The following BMPR1B variants were observed in gnomAD, a reference collection of about 807,000 sequenced individuals.
BMPR1B encodes bone morphogenetic protein receptor type 1B.
A neutral mutation model predicts 59.1 loss-of-function variants in BMPR1B; 12 were observed. The observed-to-expected ratio is 0.20, with a 90% CI of 0.13 to 0.33. The LOEUF is 0.33. Among genes scored for constraint, BMPR1B ranks in the 10% least tolerant of loss-of-function variants. BMPR1B has a pLI of 1.00. For synonymous variants in BMPR1B, 237 were observed against 207.3 expected (o/e 1.14, Z -1.23); for missense variants, 550 against 610.9 (o/e 0.90, Z 1.05).
intron 3 of BMPR1B, among the ~76,000 whole-genome samples, chr4:95,094,022 T>C (rs931413407): frequency 1.3e-5 from 2 of 152,120 alleles, no homozygotes; most frequent in Non-Finnish European, 2.9e-5. Context: ...TTGGCAATTA[T>C]GTGGCATTGT....
chr4:95,045,528 C>T (rs1006823253), intron 3 of BMPR1B, among the ~76,000 whole-genome samples: 9 of 152,160 alleles, frequency 5.9e-5, no homozygotes, highest in Non-Finnish European at 1.0e-4. Context: ...TTTTTTCTTA[C>T]TCATAAATGT....
In BMPR1B at chr4:94,965,020, CTG is replaced by C. The variant is rs376046331; in HGVS notation, c.-112-31016_-112-31015del. ...ATCTAAGAAATCTTCTGCTATACCT[CTG>C]TGTTTTGCATCTATCACTTTATTGT... On this transcript the variant is annotated intron_variant, in intron 2 of 12. Transcript: ENST00000515059. Among the ~76,000 whole-genome samples the C allele has an allele frequency of 1.6e-4, 25 of 152,194 alleles. No homozygotes were observed. In the South Asian group the frequency reaches 3.7e-3, roughly 23 times the overall value.
chr4:94,894,628 A>G (rs929359699), intron 2 of BMPR1B, among the ~76,000 whole-genome samples: 2 of 152,052 alleles, frequency 1.3e-5, no homozygotes, highest in Non-Finnish European at 2.9e-5. Flanking sequence ...TGTTCCCAAT[A>G]GAACGGTTTA....
chr4:94,819,980 G>A (rs1341714209), intron 1 of BMPR1B, among the ~76,000 whole-genome samples: 1 of 152,132 alleles, frequency 6.6e-6, no homozygotes, highest in Non-Finnish European at 1.5e-5. Context: ...TTTCTCCCCT[G>A]CTTTTTCTTC....
chr4:94,785,065 G>A (rs1722716048), intron 1 of BMPR1B, among the ~76,000 whole-genome samples: 1 of 152,152 alleles, frequency 6.6e-6, no homozygotes, highest in East Asian at 1.9e-4. Context: ...AGATAGAAAG[G>A]AGCTGAGACA....
intron 3 of BMPR1B, among the ~76,000 whole-genome samples, chr4:95,049,567 G>T (rs2149185597): frequency 6.7e-6 from 1 of 150,308 alleles, no homozygotes; most frequent in Middle Eastern, 3.5e-3. Flanking sequence ...TTACTAATAG[G>T]AGCTGTCTGT....
intron 3 of BMPR1B, among the ~76,000 whole-genome samples, chr4:95,079,495 G>A (rs1362987234): frequency 1.3e-5 from 2 of 152,050 alleles, no homozygotes; most frequent in African/African-American, 4.8e-5. Context: ...TACTTTCAGA[G>A]CTTCTCTATT....
At chr4:94,961,950 A>G (rs978016570) in intron 2 of BMPR1B, among the ~76,000 whole-genome samples, 3 of 152,070 alleles carry the variant, frequency 2.0e-5, no homozygotes, top group Admixed American at 6.5e-5. Flanking sequence ...AAACATTTCA[A>G]TTTTACTTGT....
intron 3 of BMPR1B, chr4:95,051,612 T>G: frequency 8.1e-7 from 1 of 1,228,066 alleles, no homozygotes; most frequent in Non-Finnish European, 1.1e-6. Context: ...CTGACAAGAG[T>G]GGCAGCAGAG....
chr4:94,938,798 A>T (rs993055252), intron 2 of BMPR1B, among the ~76,000 whole-genome samples: 6 of 152,182 alleles, frequency 3.9e-5, no homozygotes, highest in Non-Finnish European at 8.8e-5. Flanking sequence ...CTTCCTTAAG[A>T]TCCCAGATAT....
At chr4:95,000,367 A>G (rs1002154182) in intron 3 of BMPR1B, among the ~76,000 whole-genome samples, 2 of 152,090 alleles carry the variant, frequency 1.3e-5, no homozygotes, top group Admixed American at 6.6e-5. Flanking sequence ...GTTTGCCCAT[A>G]TAACTATCCT....
chr4:95,100,465 C>G (rs1730737644), intron 3 of BMPR1B, among the ~76,000 whole-genome samples: 1 of 151,834 alleles, frequency 6.6e-6, no homozygotes, highest in South Asian at 2.1e-4. Flanking sequence ...CTCTCCCTCA[C>G]TTTTCCTCTC....
At chr4:94,949,516 C>T (rs1729849535) in intron 2 of BMPR1B, among the ~76,000 whole-genome samples, 1 of 111,322 alleles carries the variant, frequency 9.0e-6, no homozygotes, top group Admixed American at 8.4e-5. Flanking sequence ...CGGGGTTTCA[C>T]CTTGTTAGCC....
intron 2 of BMPR1B, among the ~76,000 whole-genome samples, chr4:94,941,431 C>CAAA (rs35329546): frequency 3.5e-5 from 4 of 115,710 alleles, no homozygotes; most frequent in African/African-American, 1.0e-4. Flanking sequence ...AAAACTGTCT[C>CAAA]AAAAAAAAAA....
chr4:94,837,947 T>A (rs1724890141), intron 1 of BMPR1B, among the ~76,000 whole-genome samples: 1 of 127,484 alleles, frequency 7.8e-6, no homozygotes, highest in Admixed American at 7.5e-5. Context: ...ATACCTAATT[T>A]GTTGAGAGTT....
At chr4:94,914,036 A>G (rs1244257564) in intron 2 of BMPR1B, among the ~76,000 whole-genome samples, 1 of 152,204 alleles carries the variant, frequency 6.6e-6, no homozygotes, top group African/African-American at 2.4e-5. Flanking sequence ...AACAAGTGAT[A>G]GGAAGGAGGT....
chr4:95,037,848 T>C (rs1725373346), intron 3 of BMPR1B, among the ~76,000 whole-genome samples: 2 of 152,132 alleles, frequency 1.3e-5, no homozygotes, highest in South Asian at 2.1e-4. Flanking sequence ...ACGTATTACA[T>C]AGTCGCTGTT....
chr4:94,949,717 TC>T (rs2149052903), intron 2 of BMPR1B, among the ~76,000 whole-genome samples: 1 of 152,344 alleles, frequency 6.6e-6, no homozygotes, highest in South Asian at 2.1e-4. Context: ...TGGTTCCAAG[TC>T]TTTGCTATTG....
chr4:94,851,562 C>G (rs888604670), intron 1 of BMPR1B, among the ~76,000 whole-genome samples: 3 of 151,936 alleles, frequency 2.0e-5, no homozygotes, highest in Non-Finnish European at 2.9e-5. Flanking sequence ...TACTTTTAGT[C>G]TATAATAATT....
Sources: gnomAD v4.1 joint callset for allele counts (sites outside exome capture counted in the v4.1 genomes callset) on GRCh38, gnomAD v4.1.1 for gene constraint, MANE v1.5 for transcripts, NCBI Gene and HGNC (gene_info 2026-07-23, HGNC 2026-07-21) for gene names.